CTNNBL1: variants seen among roughly 807,000 people sequenced by gnomAD.
CTNNBL1 encodes the protein catenin beta like 1, also known as beta-catenin-like protein 1.
In CTNNBL1, 31 loss-of-function variants were observed where a neutral mutation model predicts 72.7. The ratio of observed to expected loss-of-function variants is 0.43; its 90% CI spans 0.32 to 0.58. CTNNBL1 has a LOEUF of 0.58. Among genes scored for constraint, CTNNBL1 ranks in the 20% least tolerant of loss-of-function variants. The pLI is 0.08. For missense variants in CTNNBL1, 534 were observed against 725.1 expected (o/e 0.74, Z 3.03); for synonymous variants, 240 against 267.3 (o/e 0.90, Z 1.00).
chr20:37,789,266 C>A (rs979336693), intron 10 of CTNNBL1, among the ~76,000 whole-genome samples: 1 of 152,196 alleles, frequency 6.6e-6, no homozygotes, highest in African/African-American at 2.4e-5. Flanking sequence ...GAAGGAAATG[C>A]TCCTTTGTGC....
At chr20:37,742,221 A>G (rs2073222704) in intron 3 of CTNNBL1, among the ~76,000 whole-genome samples, 1 of 152,196 alleles carries the variant, frequency 6.6e-6, no homozygotes, top group African/African-American at 2.4e-5. Context: ...AGATGTCACA[A>G]AGTTTTAGGG....
intron 5 of CTNNBL1, among the ~76,000 whole-genome samples, chr20:37,764,508 T>A (rs902389095): frequency 6.6e-6 from 1 of 152,200 alleles, no homozygotes; most frequent in African/African-American, 2.4e-5. Flanking sequence ...GAGTCACTAA[T>A]GTCTTGAACA....
chr20:37,862,569 C>T (rs906151218), intron 15 of CTNNBL1, among the ~76,000 whole-genome samples: 13 of 152,164 alleles, frequency 8.5e-5, no homozygotes, highest in Non-Finnish European at 1.3e-4. Flanking sequence ...AAGGTGCTGA[C>T]CCCATACTGG....
chr20:37,834,409 G>A (rs1282129929), intron 11 of CTNNBL1, among the ~76,000 whole-genome samples: 3 of 152,122 alleles, frequency 2.0e-5, no homozygotes, highest in Non-Finnish European at 2.9e-5. Context: ...AATTGCTTCC[G>A]CAAAGACTAA....
At chr20:37,743,465 G>A (rs2073235682) in intron 3 of CTNNBL1, among the ~76,000 whole-genome samples, 1 of 152,076 alleles carries the variant, frequency 6.6e-6, no homozygotes, top group South Asian at 2.1e-4. Context: ...GGTATTGGGG[G>A]AAAATCTTGC....
At chr20:37,837,139 A>C (rs1011122482) in intron 11 of CTNNBL1, among the ~76,000 whole-genome samples, 1 of 152,092 alleles carries the variant, frequency 6.6e-6, no homozygotes, top group South Asian at 2.1e-4. Flanking sequence ...GTTGGCATAC[A>C]CAAAGGTCAG....
chr20:37,812,964 T>G (rs1600503956), intron 11 of CTNNBL1, among the ~76,000 whole-genome samples: 1 of 151,068 alleles, frequency 6.6e-6, no homozygotes, highest in East Asian at 2.0e-4. Flanking sequence ...AGCCAAACCT[T>G]TGGTAAAAGT....
At chr20:37,732,275 T>C (rs1030554228) in intron 1 of CTNNBL1, among the ~76,000 whole-genome samples, 1 of 152,224 alleles carries the variant, frequency 6.6e-6, no homozygotes, top group East Asian at 1.9e-4. Context: ...TTCTGTAAAA[T>C]AGAATTGGGA....
intron 5 of CTNNBL1, among the ~76,000 whole-genome samples, chr20:37,762,964 C>T (rs1227856835): frequency 6.6e-6 from 1 of 152,158 alleles, no homozygotes; most frequent in East Asian, 1.9e-4. Flanking sequence ...GCATTGCTCA[C>T]TGACAGTGTC....
chr20:37,842,518 G>A, intron 13 of CTNNBL1, 99 bp downstream of exon 13: 1 of 799,294 alleles, frequency 1.3e-6, no homozygotes, highest in Non-Finnish European at 2.2e-6. Flanking sequence ...AAGGGCAGCA[G>A]TGCCATCTAA....
At chr20:37,862,498 A>G (rs749528900) in intron 15 of CTNNBL1, among the ~76,000 whole-genome samples, 2 of 152,032 alleles carry the variant, frequency 1.3e-5, no homozygotes, top group Non-Finnish European at 2.9e-5. Context: ...ACAATTTTCC[A>G]TTGTTGTGAG....
intron 8 of CTNNBL1, 79 bp downstream of exon 8, chr20:37,777,496 G>A: frequency 6.8e-7 from 1 of 1,475,286 alleles, no homozygotes; most frequent in Non-Finnish European, 9.5e-7. Context: ...AAGCTCTCTT[G>A]CCTTTGGCAT....
At chr20:37,731,431 C>T (rs2073127696) in intron 1 of CTNNBL1, among the ~76,000 whole-genome samples, 1 of 152,128 alleles carries the variant, frequency 6.6e-6, no homozygotes, top group Non-Finnish European at 1.5e-5. Flanking sequence ...GATGGGGTTT[C>T]TCCATGTTGA....
intron 4 of CTNNBL1, among the ~76,000 whole-genome samples, chr20:37,747,165 G>A (rs1051053371): frequency 2.6e-5 from 4 of 152,100 alleles, no homozygotes; most frequent in Non-Finnish European, 5.9e-5. Context: ...ATTACTTAAG[G>A]TCAGCAGTTT....
At chr20:37,765,360 C>T in intron 6 of CTNNBL1, 70 bp downstream of exon 6, 2 of 1,009,742 alleles carry the variant, frequency 2.0e-6, no homozygotes, top group South Asian at 1.4e-5. Flanking sequence ...GCTCATTTCC[C>T]TTCCTTCTTC....
intron 10 of CTNNBL1, among the ~76,000 whole-genome samples, chr20:37,801,788 G>T (rs926633135): frequency 4.6e-5 from 7 of 152,086 alleles, no homozygotes; most frequent in Non-Finnish European, 8.8e-5. Context: ...TCCCCCCTAA[G>T]ACAAGGACTA....
intron 1 of CTNNBL1, 26 bp from the exon 2 acceptor site, chr20:37,732,853 A>T: frequency 6.2e-7 from 1 of 1,607,544 alleles, no homozygotes; most frequent in Non-Finnish European, 8.5e-7. Context: ...ATCCAGCTCT[A>T]AAATCTTATG....
intron 13 of CTNNBL1, among the ~76,000 whole-genome samples, chr20:37,852,511 T>A (rs2072405270): frequency 6.6e-6 from 1 of 152,170 alleles, no homozygotes; most frequent in South Asian, 2.1e-4. Context: ...TCATAGTGGC[T>A]CCTCTCTCTG....
chr20:37,716,840 C>T (rs917679237), intron 1 of CTNNBL1, among the ~76,000 whole-genome samples: 16 of 152,226 alleles, frequency 1.1e-4, no homozygotes, highest in African/African-American at 2.9e-4. Context: ...GAAAGTTCCA[C>T]GTGCATTCTA....
Sources: allele counts gnomAD v4.1 joint callset (sites outside exome capture counted in the v4.1 genomes callset), GRCh38; gene constraint gnomAD v4.1.1; transcripts MANE v1.5; gene names NCBI Gene and HGNC (gene_info 2026-07-23, HGNC 2026-07-21).